The following ZZZ3 variants were observed in gnomAD, a reference collection of about 807,000 sequenced individuals.
ZZZ3 encodes zinc finger ZZ-type containing 3, also known as ZZ-type zinc finger-containing protein 3.
ZZZ3 carries 22 observed loss-of-function variants against 95.2 expected under a neutral mutation model. The ratio of observed to expected loss-of-function variants is 0.23; its 90% CI spans 0.17 to 0.33. The LOEUF is 0.33. Ranked by LOEUF, ZZZ3 falls within the 10% of genes least tolerant of loss-of-function variation. ZZZ3 has a pLI of 1.00. For synonymous variants in ZZZ3, 335 were observed against 358.9 expected, an observed-to-expected ratio of 0.93 and a Z score of 0.75; for missense variants, 885 against 1,066.5, an observed-to-expected ratio of 0.83 and a Z score of 2.37.
At chr1:77,583,236 A>C (rs112872716) in intron 6 of ZZZ3, among the ~76,000 whole-genome samples, 2,727 of 152,300 alleles carry the variant, frequency 0.018, 28 homozygotes, top group Middle Eastern at 0.058. Flanking sequence ...CCTACCCGGG[A>C]AAGTAAATGA....
At chr1:77,595,798 T>C (rs1021918858) in intron 5 of ZZZ3, among the ~76,000 whole-genome samples, 2 of 152,058 alleles carry the variant, frequency 1.3e-5, no homozygotes, top group Non-Finnish European at 2.9e-5. Context: ...GTAGCTGACG[T>C]ATAAAATTAC....
intron 10 of ZZZ3, 131 bp from the exon 11 acceptor site, chr1:77,579,000 A>T (rs1662242468): frequency 2.3e-6 from 1 of 437,924 alleles, no homozygotes; most frequent in Non-Finnish European, 3.9e-6. Context: ...ATCTAGAATT[A>T]ACAATAAACT....
At chr1:77,600,698 T>C (rs1314339577) in intron 5 of ZZZ3, among the ~76,000 whole-genome samples, 3 of 152,078 alleles carry the variant, frequency 2.0e-5, no homozygotes, top group Non-Finnish European at 4.4e-5. Context: ...CAGAAACGTT[T>C]TTAGGCAAAG....
In ZZZ3 at chr1:77,565,677, T is replaced by G. The variant is rs552992689; in HGVS notation, c.2675A>C (p.Asn892Thr). 68 of 1,614,030 alleles carry G rather than the reference T, an allele frequency of 4.2e-5. No homozygotes were observed. The South Asian group carries it at 7.1e-4, about 17-fold the overall frequency. Residue 892 changes from asparagine to threonine, a missense_variant, in exon 15 of 15, where the codon AAT becomes ACT. Physicochemically the swap from Asn to Thr is moderately conservative, Grantham distance 65 (BLOSUM62 0). Coordinates refer to ENST00000370801, the MANE Select transcript of ZZZ3 (RefSeq NM_015534.6). Reference sequence around the variant, plus strand: ...TGGAAAGTAGTTTGGGTCAAGGTAATTGTAACTGGTGCCCTGAGACACACA... The same window carrying G: ...TGGAAAGTAGTTTGGGTCAAGGTAAGTGTAACTGGTGCCCTGAGACACACA... ...DYCVSQGTSYNYLDPNYFPAN... is the reference protein window; with the variant it reads ...DYCVSQGTSYTYLDPNYFPAN...
At position 77,564,527 on chromosome 1, in the gene ZZZ3, CAT is replaced by C. The variant is rs1447066721; in HGVS notation, c.*1111_*1112del. ...CTATAATATAAACAGACAGTATCCA[CAT>C]AGTTTATTTCTCACAGTTCTCCTGA... On this transcript the variant is annotated 3_prime_UTR_variant, in exon 15 of 15. Transcript: ENST00000370801. 2 of 152,414 alleles carry C rather than the reference CAT, an allele frequency of 1.3e-5. No homozygotes were observed. Among genetic ancestry groups the C allele is most frequent in the Non-Finnish European group, 2.9e-5 (2 of 67,994 alleles). 9.4% of individuals were successfully genotyped at this position (152,414 alleles called of 1,614,324 possible).
chr1:77,592,971 G>C lies in ZZZ3; in HGVS notation c.1506-8316C>G, dbSNP rs976558832. 3.9e-5 allele frequency among the ~76,000 whole-genome samples: 6 copies of C among 152,148 alleles called. No individual in the cohort carries two copies. The South Asian group carries it at 6.2e-4, about 16-fold the overall frequency. On this transcript the variant is annotated intron_variant, in intron 5 of 14. Coordinates refer to ENST00000370801, the MANE Select transcript of ZZZ3 (RefSeq NM_015534.6). ...ACCAGAAAGATAAAACATGTTTTTG[G>C]GGCACTTTTGCCTGGAGCAATTTAT...
intron 1 of ZZZ3, among the ~76,000 whole-genome samples, chr1:77,670,072 A>G (rs1199765825): frequency 2.6e-5 from 3 of 113,842 alleles, no homozygotes; most frequent in African/African-American, 6.0e-5. Flanking sequence ...AAATATTGTG[A>G]CCCCCCCCCC....
intron 5 of ZZZ3, among the ~76,000 whole-genome samples, chr1:77,588,214 T>C (rs1663302567): frequency 6.6e-6 from 1 of 152,166 alleles, no homozygotes; most frequent in Non-Finnish European, 1.5e-5. Flanking sequence ...CAGACAAATG[T>C]TGCATTTTAA....
At chr1:77,655,113 CTCT>C (rs1447042035) in intron 1 of ZZZ3, among the ~76,000 whole-genome samples, 2 of 152,168 alleles carry the variant, frequency 1.3e-5, no homozygotes, top group Admixed American at 6.5e-5. Context: ...GCTCAGGTCT[CTCT>C]TCTTCTTATA....
chr1:77,624,170 T>A (rs1189228686), intron 5 of ZZZ3, among the ~76,000 whole-genome samples: 1 of 152,112 alleles, frequency 6.6e-6, no homozygotes, highest in Non-Finnish European at 1.5e-5. Context: ...GCTAGAAAAA[T>A]CTTTGTTCCT....
intron 12 of ZZZ3, among the ~76,000 whole-genome samples, chr1:77,571,174 T>A (rs1249266001): frequency 3.3e-5 from 5 of 152,266 alleles, no homozygotes; most frequent in South Asian, 2.1e-4. Context: ...TAAACACTTT[T>A]AAATTTTTAG....
Position 77,631,765 on chromosome 1 carries a change from G to A in ZZZ3, c.1505+85C>T, listed in dbSNP as rs1027139856. The A allele has an allele frequency of 6.3e-6, 7 of 1,113,712 alleles. No individual in the cohort carries two copies. The Admixed American group carries it at 1.9e-4, about 30-fold the overall frequency. 69.0% of individuals were successfully genotyped at this position (1,113,712 alleles called of 1,614,324 possible). On this transcript the variant is annotated intron_variant, in intron 5 of 14. Transcript: ENST00000370801. ...TTTAGTGAAAACATTAATTTTGGCT[G>A]TAATAAAAACACTACGAATAGATAC...
chr1:77,654,185 C>CAAA (rs749067016), intron 1 of ZZZ3, among the ~76,000 whole-genome samples: 25 of 66,276 alleles, frequency 3.8e-4, no homozygotes, highest in East Asian at 1.2e-3. Flanking sequence ...GACTCCATCT[C>CAAA]AAAAAAAAAA....
At chr1:77,666,595 T>C (rs1317387889) in intron 1 of ZZZ3, among the ~76,000 whole-genome samples, 1 of 152,208 alleles carries the variant, frequency 6.6e-6, no homozygotes, top group Non-Finnish European at 1.5e-5. Context: ...CATTCATGTG[T>C]TGAAATCTCG....
rs143432522 is a variant in ZZZ3, at chr1:77,658,119, C to T, written c.-402-16464G>A. Among the ~76,000 whole-genome samples, 966 of 135,610 alleles carry T rather than the reference C, an allele frequency of 7.1e-3. 9 individuals carry two copies. The highest frequency in any genetic ancestry group is 0.024 in the African/African-American group (890 of 36,408). 89.0% of individuals were successfully genotyped at this position (135,610 alleles called of 152,430 possible). Reference sequence around the variant, plus strand: ...GCTTGAATGCAGGAGGCAGAGGTTGCGGCGAGCTGAGATTACGCCACTGCA... The same window carrying T: ...GCTTGAATGCAGGAGGCAGAGGTTGTGGCGAGCTGAGATTACGCCACTGCA... On this transcript the variant is annotated intron_variant, in intron 1 of 14. Coordinates refer to ENST00000370801, the MANE Select transcript of ZZZ3 (RefSeq NM_015534.6).
chr1:77,566,128 A>G lies in ZZZ3; in HGVS notation c.2520T>C (p.Asp840=). 1 of 1,613,564 alleles carries G rather than the reference A, an allele frequency of 6.2e-7. No homozygotes were observed. The highest frequency in any genetic ancestry group is 8.5e-7 in the Non-Finnish European group (1 of 1,179,726). Residue 840 remains aspartate (D), a synonymous_variant, in exon 14 of 15, where the codon GAT becomes GAC. Transcript: ENST00000370801. The part of the protein sequence containing the change: ...PIQGVRWHCQ[D]CPPEMSLDFC... ...AATCCAAAGACATTTCTGGAGGACAATCCTGGCAATGCCACCGAACACCCT... is the reference window on the plus strand; with the variant it reads ...AATCCAAAGACATTTCTGGAGGACAGTCCTGGCAATGCCACCGAACACCCT...
In ZZZ3 at chr1:77,674,526, G is replaced by A. The variant is rs529129372; in HGVS notation, c.-403+8059C>T. 3.3e-5 allele frequency among the ~76,000 whole-genome samples: 5 copies of A among 152,236 alleles called. No individual in the cohort carries two copies. The East Asian group carries it at 7.7e-4, about 24-fold the overall frequency. On this transcript the variant is annotated intron_variant, in intron 1 of 14. Coordinates refer to ENST00000370801, the MANE Select transcript of ZZZ3 (RefSeq NM_015534.6). Reference sequence around the variant, plus strand: ...TTCTGACAGTGTTCTTCTTAGTGACGATTACACCAGTGTGCTCACACTGTG... The same window carrying A: ...TTCTGACAGTGTTCTTCTTAGTGACAATTACACCAGTGTGCTCACACTGTG...
At chr1:77,604,672 C>T (rs757695541) in intron 5 of ZZZ3, among the ~76,000 whole-genome samples, 50 of 152,274 alleles carry the variant, frequency 3.3e-4, no homozygotes, top group Non-Finnish European at 6.3e-4. Context: ...TAAATTAAGG[C>T]TTACCACACC....
At chr1:77,598,590 A>G (rs1438365340) in intron 5 of ZZZ3, among the ~76,000 whole-genome samples, 1 of 152,158 alleles carries the variant, frequency 6.6e-6, no homozygotes, top group Non-Finnish European at 1.5e-5. Context: ...GAAATATCAC[A>G]ATTTAAGAGA....
Sources: allele counts gnomAD v4.1 joint callset (sites outside exome capture counted in the v4.1 genomes callset), GRCh38; gene constraint gnomAD v4.1.1; transcripts MANE v1.5; gene names NCBI Gene and HGNC (gene_info 2026-07-23, HGNC 2026-07-21).